Variants in AP1M1 observed in about 807,000 individuals in gnomAD.
AP1M1 encodes AP-1 complex subunit mu-1.
AP1M1 carries 18 observed loss-of-function variants against 57.1 expected under a neutral mutation model. The ratio of observed to expected loss-of-function variants is 0.32; its 90% CI spans 0.22 to 0.47. AP1M1 has a LOEUF of 0.47. Ranked by LOEUF, AP1M1 falls within the 20% of genes least tolerant of loss-of-function variation. The probability of loss-of-function intolerance (pLI) is 1.00; values close to 1 mark genes in which losing one functional copy is unlikely to be tolerated. For synonymous variants in AP1M1, 241 were observed against 237.9 expected (o/e 1.01, Z -0.12); for missense variants, 362 against 593.5 (o/e 0.61, Z 4.05).
At chr19:16,220,672 T>C (rs1439610103) in intron 5 of AP1M1, among the ~76,000 whole-genome samples, 1 of 152,218 alleles carries the variant, frequency 6.6e-6, no homozygotes, top group African/African-American at 2.4e-5. Flanking sequence ...ATTACAGGCA[T>C]GAGCCACTGC....
chr19:16,233,119 C>T (rs977348716), intron 9 of AP1M1, among the ~76,000 whole-genome samples: 3 of 152,242 alleles, frequency 2.0e-5, no homozygotes, highest in African/African-American at 4.8e-5. Flanking sequence ...TCATTACACA[C>T]TCTTCCTTCC....
rs183912496 is a variant in AP1M1 at position 16,204,379 on chromosome 19, A to G, written c.199+764A>G. 2.0e-3 allele frequency among the ~76,000 whole-genome samples: 300 copies of G among 152,214 alleles called. 1 individual carries two copies. The highest frequency in any genetic ancestry group is 6.9e-3 in the African/African-American group (288 of 41,554). On this transcript the variant is annotated intron_variant, in intron 2 of 11. Coordinates refer to ENST00000291439, the MANE Select transcript of AP1M1 (RefSeq NM_032493.4). ...GCAAGCCCATCTCAGTACCCACACTACTGCGGAAGGGCCTGCTTTGCCACT... is the reference window on the plus strand; with the variant it reads ...GCAAGCCCATCTCAGTACCCACACTGCTGCGGAAGGGCCTGCTTTGCCACT...
intron 1 of AP1M1, among the ~76,000 whole-genome samples, chr19:16,201,972 G>A (rs182574340): frequency 1.3e-5 from 2 of 152,232 alleles, no homozygotes; most frequent in East Asian, 1.9e-4. Flanking sequence ...GTTCAGCAGT[G>A]GGGGAGAGAC....
At chr19:16,215,212 A>AGGGGGGGGGG (rs1568351069) in intron 5 of AP1M1, among the ~76,000 whole-genome samples, 1 of 2,102 alleles carries the variant, frequency 4.8e-4, no homozygotes, top group African/African-American at 1.1e-3. Flanking sequence ...GGGGGGGGGG[A>AGGGGGGGGGG]GAGGGGGGAG....
At position 16,245,426 on chromosome 19, in the gene AP1M1, TG is replaced by T. The variant is rs2091661038; in HGVS notation, c.*10992del. 6.6e-6 allele frequency: 1 copy of T among 152,004 alleles called. No homozygotes were observed. The highest frequency in any genetic ancestry group is 1.5e-5 in the Non-Finnish European group (1 of 68,014). 9.4% of individuals were successfully genotyped at this position (152,004 alleles called of 1,614,324 possible). A position where few individuals can be genotyped will look rare whatever the true frequency, so the allele number is the denominator to read the frequency against. On this transcript the variant is annotated 3_prime_UTR_variant, in exon 12 of 12. Coordinates refer to ENST00000291439, the MANE Select transcript of AP1M1 (RefSeq NM_032493.4). Reference sequence around the variant, plus strand: ...CCTCCTGAGTAGCCAGGATTACAGGTGCACGCCACCACACCCAGCTAATTTA... The same window carrying T: ...CCTCCTGAGTAGCCAGGATTACAGGTCACGCCACCACACCCAGCTAATTTA...
chr19:16,199,598 C>A (rs1189568842), intron 1 of AP1M1, among the ~76,000 whole-genome samples: 2 of 152,178 alleles, frequency 1.3e-5, no homozygotes, highest in African/African-American at 4.8e-5. Context: ...CTTCCCGCCC[C>A]ACCCCACCCC....
intron 5 of AP1M1, among the ~76,000 whole-genome samples, chr19:16,225,206 C>G (rs2091566064): frequency 6.6e-6 from 1 of 152,212 alleles, no homozygotes; most frequent in Non-Finnish European, 1.5e-5. Context: ...TTTTGTTTGT[C>G]TACCCAGTGC....
rs1440809087 is a variant in AP1M1 at position 16,203,524 on chromosome 19, C to T, written c.108C>T (p.Ile36=). Residue 36 remains isoleucine, a synonymous_variant, in exon 2 of 12, where the codon ATC becomes ATT. Coordinates refer to ENST00000291439, the MANE Select transcript of AP1M1 (RefSeq NM_032493.4). The surrounding 1 kb of genome is among the most constrained non-coding windows in gnomAD (Gnocchi z 4.6). The part of the protein sequence containing the change: ...DMSEVEHFMP[I]LMEKEEEGML... ...CAGAGGTGGAGCACTTCATGCCCAT[C>T]CTGATGGAGAAGGAGGAGGAGGGGA... The T allele has an allele frequency of 3.7e-6, 6 of 1,614,064 alleles. No homozygotes were observed. The highest frequency in any genetic ancestry group is 1.3e-5 in the African/African-American group (1 of 74,930).
At chr19:16,234,320 T>A in intron 11 of AP1M1, 46 bp downstream of exon 11, 1 of 1,612,784 alleles carries the variant, frequency 6.2e-7, no homozygotes, top group East Asian at 2.2e-5. Context: ...TGAGGGGTCC[T>A]CTGTGGCTGC....
At position 16,237,557 on chromosome 19, in the gene AP1M1, A is replaced by AC. The variant is rs1231351816; in HGVS notation, c.*3126dup. On this transcript the variant is annotated 3_prime_UTR_variant, in exon 12 of 12. Coordinates refer to ENST00000291439, the MANE Select transcript of AP1M1 (RefSeq NM_032493.4). ...AGACCAACCTGGCCAACATGGCGAG[A>AC]CCCCATCTCTACTAAAAATACCAAA... The AC allele has an allele frequency of 6.6e-6, 1 of 151,132 alleles. No individual in the cohort carries two copies. The highest frequency in any genetic ancestry group is 1.5e-5 in the Non-Finnish European group (1 of 67,824). The allele number at this position is 151,132 out of a possible 1,614,324, so 9.4% of individuals were successfully genotyped here.
At chr19:16,210,406 G>C in intron 5 of AP1M1, 1 of 718,146 alleles carries the variant, frequency 1.4e-6, no homozygotes, top group Admixed American at 2.0e-5. Context: ...GTAAGTGTAT[G>C]TTTACCTTTA....
rs199981304 is a variant in AP1M1 at position 16,233,570 on chromosome 19, G to C, written c.1125G>C (p.Pro375=). The C allele has an allele frequency of 6.2e-7, 1 of 1,610,220 alleles. No homozygotes were observed. The highest frequency in any genetic ancestry group is 1.1e-5 in the South Asian group (1 of 90,116). Reference sequence around the variant, plus strand: ...CCGAAGACAAGGAGGGCAAGCCCCCGATCAGTGTCAAGTTCGAGATCCCTT... The same window carrying C: ...CCGAAGACAAGGAGGGCAAGCCCCCCATCAGTGTCAAGTTCGAGATCCCTT... The part of the protein sequence containing the change: ...VEAEDKEGKP[P]ISVKFEIPYF... Residue 375 remains proline (P), a synonymous_variant, in exon 10 of 12, where the codon CCG becomes CCC. Coordinates refer to ENST00000291439, the MANE Select transcript of AP1M1 (RefSeq NM_032493.4).
rs2091644136 is a variant in AP1M1 at position 16,241,138 on chromosome 19, C to A, written c.*6703C>A. The A allele has an allele frequency of 6.6e-6, 1 of 151,816 alleles. No individual in the cohort carries two copies. The highest frequency in any genetic ancestry group is 6.6e-5 in the Admixed American group (1 of 15,212). The allele number at this position is 151,816 out of a possible 1,614,324, so 9.4% of individuals were successfully genotyped here. A position where few individuals can be genotyped will look rare whatever the true frequency, so the allele number is the denominator to read the frequency against. ...GACCAGCCGGACCAACAAGGAGAAACCCCATCTCTACTAGAAATACAAAAT... is the reference window on the plus strand; with the variant it reads ...GACCAGCCGGACCAACAAGGAGAAAACCCATCTCTACTAGAAATACAAAAT... On this transcript the variant is annotated 3_prime_UTR_variant, in exon 12 of 12. Coordinates refer to ENST00000291439, the MANE Select transcript of AP1M1 (RefSeq NM_032493.4).
At chr19:16,226,387 G>A (rs948520653) in intron 5 of AP1M1, 34 bp from the exon 6 acceptor site, 2 of 1,510,730 alleles carry the variant, frequency 1.3e-6, no homozygotes, top group Non-Finnish European at 1.8e-6. Context: ...GGTGAGTTGG[G>A]GACCTCCCCT....
At chr19:16,223,527 C>T (rs753384198) in intron 5 of AP1M1, among the ~76,000 whole-genome samples, 6 of 152,184 alleles carry the variant, frequency 3.9e-5, no homozygotes, top group Non-Finnish European at 7.3e-5. Context: ...CAACGGTTGC[C>T]CCACCCCCTC....
At position 16,207,909 on chromosome 19, in the gene AP1M1, T is replaced by C; in HGVS notation, c.268-110T>C. 7.2e-7 allele frequency: 1 copy of C among 1,384,672 alleles called. No individual in the cohort carries two copies. The highest frequency in any genetic ancestry group is 9.9e-7 in the Non-Finnish European group (1 of 1,013,592). The allele number at this position is 1,384,672 out of a possible 1,614,324, so 85.8% of individuals were successfully genotyped here. On this transcript the variant is annotated intron_variant, in intron 3 of 11. Coordinates refer to ENST00000291439, the MANE Select transcript of AP1M1 (RefSeq NM_032493.4). This position sits in a 1 kb window ranked among gnomAD's most constrained non-coding sequence, Gnocchi z 4.2. ...ACACCACCGAGCCTGGGAAGTAGGC[T>C]GTTGGTAGGACTTAGCGGGCAAATG...
At position 16,232,755 on chromosome 19, in the gene AP1M1, G is replaced by A. The variant is rs553720037; in HGVS notation, c.1048-738G>A. Among the ~76,000 whole-genome samples, 10 of 152,338 alleles carry A rather than the reference G, an allele frequency of 6.6e-5. No homozygotes were observed. In the East Asian group the frequency reaches 1.7e-3, roughly 26 times the overall value. ...CACGGAACCTCGGCCTGAGCCCTGGGGAGCAGAGACTGTGGGGTCCCAGGC... is the reference window on the plus strand; with the variant it reads ...CACGGAACCTCGGCCTGAGCCCTGGAGAGCAGAGACTGTGGGGTCCCAGGC... On this transcript the variant is annotated intron_variant, in intron 9 of 11. Transcript: ENST00000291439.
chr19:16,197,976 C>T lies in AP1M1; in HGVS notation c.-51C>T. 1.4e-6 allele frequency: 2 copies of T among 1,463,674 alleles called. No individual in the cohort carries two copies. The highest frequency in any genetic ancestry group is 1.8e-6 in the Non-Finnish European group (2 of 1,115,952). The allele number at this position is 1,463,674 out of a possible 1,614,324, so 90.7% of individuals were successfully genotyped here. ...CTCAACGCCCAGCAGTCCCCACCGTCGCTGCCGCCGCCACCGCCCTCGGCC... is the reference window on the plus strand; with the variant it reads ...CTCAACGCCCAGCAGTCCCCACCGTTGCTGCCGCCGCCACCGCCCTCGGCC... On this transcript the variant is annotated 5_prime_UTR_variant, in exon 1 of 12. Transcript: ENST00000291439.
intron 1 of AP1M1, among the ~76,000 whole-genome samples, chr19:16,200,508 C>T (rs2091442467): frequency 1.3e-5 from 2 of 152,286 alleles, no homozygotes; most frequent in South Asian, 2.1e-4. Context: ...CCCAAGGCAG[C>T]CGTGGGCTTC....
Sources: gnomAD v4.1 joint callset for allele counts (sites outside exome capture counted in the v4.1 genomes callset) on GRCh38, gnomAD v4.1.1 for gene constraint, Gnocchi (gnomAD v3.1) non-coding constraint, MANE v1.5 for transcripts, NCBI Gene and HGNC (gene_info 2026-07-23, HGNC 2026-07-21) for gene names.